Variants in NUP93 observed in about 807,000 individuals in gnomAD.
NUP93 encodes nuclear pore complex protein Nup93.
In NUP93, 55 loss-of-function variants were observed where a neutral mutation model predicts 107.8. That is an observed-to-expected ratio of 0.51 (90% CI 0.41 to 0.64). NUP93 has a LOEUF of 0.64. Ranked by LOEUF, NUP93 falls within the 30% of genes least tolerant of loss-of-function variation. NUP93 has a pLI of 0.00. For synonymous variants in NUP93, 390 were observed against 397.5 expected (o/e 0.98, Z 0.22); for missense variants, 937 against 1,044.7 (o/e 0.90, Z 1.42).
intron 1 of NUP93, among the ~76,000 whole-genome samples, chr16:56,742,584 G>T (rs1961756538): frequency 6.6e-6 from 1 of 152,210 alleles, no homozygotes; most frequent in Admixed American, 6.5e-5. Context: ...GGCCTACAAA[G>T]CCCGAACTAT....
At chr16:56,794,710 C>T (rs533925587) in intron 3 of NUP93, among the ~76,000 whole-genome samples, 2 of 151,782 alleles carry the variant, frequency 1.3e-5, no homozygotes, top group South Asian at 4.2e-4. Flanking sequence ...GGGTGGATCA[C>T]GAGGTCAGGA....
In NUP93 at chr16:56,830,540, G is replaced by A; in HGVS notation, c.940G>A (p.Glu314Lys). Residue 314 changes from glutamate to lysine, a missense_variant, in exon 10 of 22, where the codon GAA (glutamate) becomes AAA (lysine). Physicochemically the swap from Glu to Lys is moderately conservative, Grantham distance 56. Coordinates refer to ENST00000308159, the MANE Select transcript of NUP93 (RefSeq NM_014669.5). ...GTTCCTCTTTTAGGATGGAGAGGTG[G>A]AAGGCCATCCTGTGTGGGCGCTAAT... ...PLPGLQDGEV[E>K]GHPVWALIYY... 1.3e-6 allele frequency: 2 copies of A among 1,585,326 alleles called. No homozygotes were observed. Among genetic ancestry groups the A allele is most frequent in the Non-Finnish European group, 1.7e-6 (2 of 1,158,646 alleles).
intron 5 of NUP93, among the ~76,000 whole-genome samples, chr16:56,813,379 T>G (rs1459345024): frequency 6.6e-6 from 1 of 152,228 alleles, no homozygotes; most frequent in Non-Finnish European, 1.5e-5. Flanking sequence ...TAGTAGAATA[T>G]GAACTAACAG....
chr16:56,832,084 T>C (rs1963805013), intron 11 of NUP93, 77 bp downstream of exon 11: 1 of 1,536,992 alleles, frequency 6.5e-7, no homozygotes, highest in African/African-American at 1.4e-5. Flanking sequence ...TTTTACCTGC[T>C]TAATGTATGA....
intron 21 of NUP93, chr16:56,842,545 A>G (rs1216872716): frequency 2.3e-5 from 10 of 433,906 alleles, no homozygotes; most frequent in African/African-American, 1.2e-4. Context: ...GGACAGTCCA[A>G]TGGTGTTTGC....
At chr16:56,828,156 G>C (rs1184789871) in intron 8 of NUP93, among the ~76,000 whole-genome samples, 2 of 139,716 alleles carry the variant, frequency 1.4e-5, no homozygotes, top group African/African-American at 5.4e-5. Flanking sequence ...AATAGGCACT[G>C]CATCCCAGCC....
chr16:56,800,412 A>AC (rs1485064470), intron 4 of NUP93, among the ~76,000 whole-genome samples: 2 of 152,172 alleles, frequency 1.3e-5, no homozygotes, highest in African/African-American at 4.8e-5. Flanking sequence ...TAATCCATTT[A>AC]CCCCGCAGAA....
chr16:56,825,326 C>T (rs1963637398), intron 8 of NUP93, among the ~76,000 whole-genome samples: 1 of 150,570 alleles, frequency 6.6e-6, no homozygotes, highest in South Asian at 2.1e-4. Flanking sequence ...ATTCTCCTGC[C>T]TCAGCCTCCT....
chr16:56,838,914 T>TA (rs1161068561), intron 18 of NUP93, 38 bp from the exon 19 acceptor site: 3 of 1,400,434 alleles, frequency 2.1e-6, no homozygotes, highest in Non-Finnish European at 2.0e-6. Context: ...AAATTCCTGA[T>TA]ACACTCTTAC....
intron 3 of NUP93, among the ~76,000 whole-genome samples, chr16:56,786,287 C>T (rs1009771554): frequency 6.6e-6 from 1 of 152,118 alleles, no homozygotes; most frequent in Non-Finnish European, 1.5e-5. Flanking sequence ...GCAATCAGCT[C>T]ATGTTATAGT....
intron 3 of NUP93, among the ~76,000 whole-genome samples, chr16:56,780,083 A>G (rs1962486340): frequency 2.0e-5 from 3 of 152,242 alleles, no homozygotes. Flanking sequence ...TAATTGGAGC[A>G]TAAGCTGAGC....
At chr16:56,800,896 C>T (rs1963006038) in intron 4 of NUP93, among the ~76,000 whole-genome samples, 1 of 152,204 alleles carries the variant, frequency 6.6e-6, no homozygotes, top group African/African-American at 2.4e-5. Flanking sequence ...GGTTCAAATG[C>T]TCCCCACCTG....
intron 3 of NUP93, chr16:56,781,892 A>G: frequency 1.0e-6 from 1 of 985,446 alleles, no homozygotes; most frequent in East Asian, 1.1e-4. Flanking sequence ...TGTAGCGCAC[A>G]ACGAATGGTG....
chr16:56,769,794 A>T (rs76729986), intron 3 of NUP93, among the ~76,000 whole-genome samples: 1 of 152,070 alleles, frequency 6.6e-6, no homozygotes, highest in Non-Finnish European at 1.5e-5. Flanking sequence ...GTAATACTGA[A>T]CTATTGATTG....
chr16:56,737,995 CCT>C (rs1474204477), intron 1 of NUP93, among the ~76,000 whole-genome samples: 5 of 152,204 alleles, frequency 3.3e-5, no homozygotes, highest in South Asian at 2.1e-4. Flanking sequence ...GTGATCTGCC[CCT>C]GTTTATGCTA....
At chr16:56,837,233 C>T (rs1205885471) in intron 17 of NUP93, among the ~76,000 whole-genome samples, 1 of 152,226 alleles carries the variant, frequency 6.6e-6, no homozygotes, top group African/African-American at 2.4e-5. Flanking sequence ...AACAAGATTA[C>T]ATTCTCTCCT....
chr16:56,746,159 G>A (rs900598147), intron 1 of NUP93, among the ~76,000 whole-genome samples: 15 of 152,072 alleles, frequency 9.9e-5, no homozygotes, highest in African/African-American at 3.4e-4. Context: ...AATAATGGGC[G>A]GAGGGGTGGG....
At chr16:56,763,490 G>A (rs1439932526) in intron 3 of NUP93, among the ~76,000 whole-genome samples, 1 of 151,378 alleles carries the variant, frequency 6.6e-6, no homozygotes, top group Non-Finnish European at 1.5e-5. Context: ...GCTTGTGTGT[G>A]TGTGTGTGGG....
intron 3 of NUP93, among the ~76,000 whole-genome samples, chr16:56,793,836 C>T (rs927061434): frequency 6.6e-6 from 1 of 152,072 alleles, no homozygotes; most frequent in Non-Finnish European, 1.5e-5. Context: ...GGGCAGATCA[C>T]GATGTCAGGA....
Sources: allele counts gnomAD v4.1 joint callset (sites outside exome capture counted in the v4.1 genomes callset), GRCh38; gene constraint gnomAD v4.1.1; transcripts MANE v1.5; gene names NCBI Gene and HGNC (gene_info 2026-07-23, HGNC 2026-07-21).